Variants in DIXDC1 observed in about 807,000 individuals in gnomAD.
The protein encoded by DIXDC1 is dixin.
Under a neutral mutation model 103.1 loss-of-function variants are expected in DIXDC1, and 64 were observed. The ratio of observed to expected loss-of-function variants is 0.62; its 90% CI spans 0.51 to 0.76. The LOEUF (loss-of-function observed/expected upper bound fraction) is 0.76. Among genes scored for constraint, DIXDC1 ranks in the 30% least tolerant of loss-of-function variants. DIXDC1 has a pLI of 0.00. For missense variants in DIXDC1, 759 were observed against 834.2 expected, an observed-to-expected ratio of 0.91 and a Z score of 1.11; for synonymous variants, 266 against 298.5, an observed-to-expected ratio of 0.89 and a Z score of 1.12.
chr11:112,005,847 T>C (rs1861219794), intron 17 of DIXDC1, among the ~76,000 whole-genome samples: 1 of 152,152 alleles, frequency 6.6e-6, no homozygotes, highest in African/African-American at 2.4e-5. Flanking sequence ...AATAAGAATA[T>C]AGAAAACCTG....
rs1266659657 is a variant in DIXDC1, at chr11:111,959,855, G to T, written c.61-4694G>T. On this transcript the variant is annotated intron_variant, in intron 1 of 19. Transcript: ENST00000440460. ...AATGACCTCTTAGTGCAAGTCAGCA[G>T]TGTGATCTATTGGCCAAAGAAGGAA... Among the ~76,000 whole-genome samples the T allele has an allele frequency of 2.0e-4, 31 of 152,178 alleles. 1 individual carries two copies. The highest frequency in any genetic ancestry group is 7.4e-5 in the Non-Finnish European group (5 of 68,022).
intron 2 of DIXDC1, among the ~76,000 whole-genome samples, chr11:111,931,322 G>C (rs1468682200): frequency 6.6e-6 from 1 of 151,972 alleles, no homozygotes; most frequent in Non-Finnish European, 1.5e-5. Context: ...CTGGGCAATA[G>C]AGTGAGACAC....
intron 10 of DIXDC1, among the ~76,000 whole-genome samples, chr11:111,989,578 C>T (rs1179523298): frequency 7.1e-6 from 1 of 140,554 alleles, no homozygotes; most frequent in East Asian, 2.2e-4. Context: ...GAGCTGAGAT[C>T]ATGCCATTGC....
chr11:111,929,282 C>A lies in DIXDC1; in HGVS notation c.-36-536C>A, dbSNP rs587640954. Among the ~76,000 whole-genome samples the A allele has an allele frequency of 5.8e-4, 89 of 152,326 alleles. 1 individual carries two copies. The highest frequency in any genetic ancestry group is 4.4e-3 in the South Asian group (21 of 4,826). On this transcript the variant is annotated intron_variant, in intron 1 of 5. Transcript: ENST00000529225. ...AGTAGCAGAGCTTCCAGTATTTCTC[C>A]TGATTATCTTCAGAATACTTCCTGT... is the stretch of plus-strand genomic sequence containing the variant.
intron 17 of DIXDC1, among the ~76,000 whole-genome samples, chr11:112,007,231 A>G (rs1194707513): frequency 6.6e-6 from 1 of 152,232 alleles, no homozygotes; most frequent in Non-Finnish European, 1.5e-5. Flanking sequence ...AATTAATGAA[A>G]TAAAGTGAGA....
chr11:111,983,932 T>A (rs921813293), intron 7 of DIXDC1, among the ~76,000 whole-genome samples: 9 of 152,198 alleles, frequency 5.9e-5, no homozygotes, highest in African/African-American at 2.2e-4. Context: ...ATTTCTGACT[T>A]ATTAGTATTC....
At chr11:111,993,280 C>G (rs1288693479) in intron 12 of DIXDC1, among the ~76,000 whole-genome samples, 2 of 152,116 alleles carry the variant, frequency 1.3e-5, no homozygotes, top group Non-Finnish European at 2.9e-5. Context: ...TCATAGTGGT[C>G]CTCCTACAAA....
chr11:111,988,569 AACAC>A (rs1860579907), intron 9 of DIXDC1, among the ~76,000 whole-genome samples: 2 of 152,174 alleles, frequency 1.3e-5, no homozygotes, highest in Admixed American at 1.3e-4. Flanking sequence ...TTGGATCAGA[AACAC>A]TCCAACCCTT....
chr11:112,007,074 A>G (rs1404619053), intron 17 of DIXDC1, among the ~76,000 whole-genome samples: 1 of 152,184 alleles, frequency 6.6e-6, no homozygotes, highest in African/African-American at 2.4e-5. Flanking sequence ...GATTAGATGA[A>G]TGGCTAACTA....
Position 111,964,648 on chromosome 11 carries a change from G to A in DIXDC1, c.160G>A (p.Val54Met), listed in dbSNP as rs1555171346. The stretch of plus-strand genomic sequence containing the variant: ...CCTGCGACAAGATCTCCGGGATGGG[G>A]TGATCCTGGCATATCTCATCGAGAT... ...QDLRQDLRDG[V>M]ILAYLIEIVA... Residue 54 changes from valine to methionine, a missense_variant, in exon 2 of 20, where the codon GTG becomes ATG. This residue lies in a region of DIXDC1 where 97 missense variants were observed against 85.4 expected (regional missense o/e 1.14). Transcript: ENST00000440460. The A allele has an allele frequency of 6.2e-7, 1 of 1,612,180 alleles. No individual in the cohort carries two copies.
At chr11:111,941,643 C>T (rs1275542124) in intron 1 of DIXDC1, among the ~76,000 whole-genome samples, 1 of 151,752 alleles carries the variant, frequency 6.6e-6, no homozygotes, top group Non-Finnish European at 1.5e-5. Context: ...TGGTGAGACC[C>T]TGTCTCTACA....
chr11:111,977,306 G>C lies in DIXDC1; in HGVS notation c.656+2323G>C. The C allele has an allele frequency of 1.9e-6, 2 of 1,043,070 alleles. No individual in the cohort carries two copies. Among genetic ancestry groups the C allele is most frequent in the Non-Finnish European group, 2.3e-6 (2 of 866,450 alleles). 64.6% of individuals were successfully genotyped at this position (1,043,070 alleles called of 1,614,324 possible). On this transcript the variant is annotated intron_variant, in intron 5 of 19. Coordinates refer to ENST00000440460, the MANE Select transcript of DIXDC1 (RefSeq NM_001037954.4). This position sits in a 1 kb window ranked among gnomAD's most constrained non-coding sequence, Gnocchi z 6.1. ...GAGGGAGCAGAGGGTGGGGCGGGGA[G>C]GGATCCGGAAGGTGGCACGGAGTGG...
At chr11:111,941,235 C>T (rs146488182) in intron 1 of DIXDC1, among the ~76,000 whole-genome samples, 12 of 152,164 alleles carry the variant, frequency 7.9e-5, no homozygotes, top group African/African-American at 2.6e-4. Flanking sequence ...GAGCTAAGAT[C>T]GTGCCACAGT....
chr11:111,932,027 C>G (rs1026246258), intron 2 of DIXDC1, among the ~76,000 whole-genome samples: 1 of 99,136 alleles, frequency 1.0e-5, no homozygotes, highest in South Asian at 3.4e-4. Context: ...GGCAGATAAC[C>G]TTTTTTTTTT....
intron 2 of DIXDC1, among the ~76,000 whole-genome samples, chr11:111,966,012 ACCT>A (rs1859714199): frequency 6.6e-6 from 1 of 152,108 alleles, no homozygotes; most frequent in Non-Finnish European, 1.5e-5. Flanking sequence ...GTAAGATCAA[ACCT>A]CCTTTTTCCA....
intron 17 of DIXDC1, among the ~76,000 whole-genome samples, chr11:112,008,814 GA>G (rs1374591395): frequency 1.3e-5 from 2 of 152,204 alleles, no homozygotes; most frequent in Non-Finnish European, 2.9e-5. Flanking sequence ...GCAGTGTGTA[GA>G]GGGAAATTTT....
intron 2 of DIXDC1, among the ~76,000 whole-genome samples, chr11:111,967,225 G>T (rs1859767800): frequency 6.6e-6 from 1 of 152,034 alleles, no homozygotes; most frequent in South Asian, 2.1e-4. Flanking sequence ...ATCTCTACTT[G>T]GATGTCTAAT....
intron 17 of DIXDC1, among the ~76,000 whole-genome samples, chr11:112,013,423 CTT>C (rs1861493247): frequency 1.3e-5 from 2 of 151,460 alleles, no homozygotes; most frequent in African/African-American, 2.4e-5. Flanking sequence ...CTCCACTAGA[CTT>C]TTGAGCTCCT....
upstream of DIXDC1, among the ~76,000 whole-genome samples, chr11:111,932,888 C>G (rs1388845045): frequency 6.6e-6 from 1 of 152,154 alleles, no homozygotes; most frequent in Non-Finnish European, 1.5e-5. Context: ...GTCAGTTATT[C>G]AAGTTTTTGC....
Sources: allele counts gnomAD v4.1 joint callset (sites outside exome capture counted in the v4.1 genomes callset), GRCh38; gene constraint gnomAD v4.1.1; regional missense constraint gnomAD v4.1.1; non-coding constraint Gnocchi (gnomAD v3.1); transcripts MANE v1.5; gene names NCBI Gene and HGNC (gene_info 2026-07-23, HGNC 2026-07-21).